Variants in B3GALT1 observed in about 807,000 individuals in gnomAD.
The protein encoded by B3GALT1 is beta-1,3-galactosyltransferase 1.
In B3GALT1, 10 loss-of-function variants were observed where a neutral mutation model predicts 23.2. The ratio of observed to expected loss-of-function variants is 0.43; its 90% CI spans 0.27 to 0.73. The LOEUF is 0.73. Ranked by LOEUF, B3GALT1 falls within the 30% of genes least tolerant of loss-of-function variation. The probability of loss-of-function intolerance (pLI) is 0.21; values close to 1 mark genes in which losing one functional copy is unlikely to be tolerated. For missense variants in B3GALT1, 299 were observed against 405.4 expected (o/e 0.74, Z 2.25); for synonymous variants, 156 against 141.5 (o/e 1.10, Z -0.73).
chr2:167,751,695 A>G (rs2105287245), intron 3 of B3GALT1, among the ~76,000 whole-genome samples: 1 of 152,270 alleles, frequency 6.6e-6, no homozygotes, highest in African/African-American at 2.4e-5. Context: ...GGTGGGTGAG[A>G]CATTCAGAAA....
intron 4 of B3GALT1, among the ~76,000 whole-genome samples, chr2:167,835,963 G>C (rs1689457961): frequency 6.6e-6 from 1 of 152,160 alleles, no homozygotes; most frequent in South Asian, 2.1e-4. Flanking sequence ...CTGCAGCTGA[G>C]GGTCCTGTCT....
At chr2:167,780,926 T>C (rs956224542) in intron 3 of B3GALT1, among the ~76,000 whole-genome samples, 1 of 152,206 alleles carries the variant, frequency 6.6e-6, no homozygotes, top group African/African-American at 2.4e-5. Context: ...ACATTGTGAA[T>C]GTACTAAGTG....
In B3GALT1 at chr2:167,478,926, GC is replaced by G. The variant is rs1263451662; in HGVS notation, c.-510-11250del. 2.6e-5 allele frequency among the ~76,000 whole-genome samples: 4 copies of G among 152,036 alleles called. No homozygotes were observed. In the East Asian group the frequency reaches 7.7e-4, roughly 29 times the overall value. On this transcript the variant is annotated intron_variant, in intron 1 of 4. Transcript: ENST00000392690. The stretch of plus-strand genomic sequence containing the variant: ...AACAACTTTTCAGATATAAGCTTCA[GC>G]ATTGTAATATTTTGGATTGTATGCT...
At chr2:167,466,714 T>G (rs949349285) in intron 1 of B3GALT1, among the ~76,000 whole-genome samples, 2 of 104,082 alleles carry the variant, frequency 1.9e-5, no homozygotes, top group African/African-American at 6.9e-5. Flanking sequence ...TTAACTATTA[T>G]CACTCTTTTG....
At chr2:167,328,879 C>T (rs552649179) in intron 1 of B3GALT1, among the ~76,000 whole-genome samples, 1 of 152,256 alleles carries the variant, frequency 6.6e-6, no homozygotes, top group East Asian at 1.9e-4. Context: ...GTGGGATGAT[C>T]GCAGCTCACT....
intron 2 of B3GALT1, among the ~76,000 whole-genome samples, chr2:167,621,450 A>G (rs1426622885): frequency 2.0e-5 from 3 of 152,104 alleles, no homozygotes; most frequent in Non-Finnish European, 2.9e-5. Flanking sequence ...TTTTAAGAAG[A>G]AAGCAGTCAT....
intron 1 of B3GALT1, among the ~76,000 whole-genome samples, chr2:167,338,923 G>A (rs1322353962): frequency 6.6e-6 from 1 of 152,082 alleles, no homozygotes; most frequent in Non-Finnish European, 1.5e-5. Flanking sequence ...AATGAAATGA[G>A]ATGTCAGTAT....
At chr2:167,825,667 G>T (rs1689206371) in intron 4 of B3GALT1, among the ~76,000 whole-genome samples, 1 of 151,816 alleles carries the variant, frequency 6.6e-6, no homozygotes, top group African/African-American at 2.4e-5. Flanking sequence ...ACCCACCCAG[G>T]GCAGTTGTTC....
At chr2:167,677,369 A>G (rs1686446460) in intron 3 of B3GALT1, among the ~76,000 whole-genome samples, 1 of 152,256 alleles carries the variant, frequency 6.6e-6, no homozygotes, top group South Asian at 2.1e-4. Context: ...TCACATAAAA[A>G]TCTTACATGA....
intron 3 of B3GALT1, among the ~76,000 whole-genome samples, chr2:167,738,721 T>G (rs1437267137): frequency 6.6e-6 from 1 of 152,202 alleles, no homozygotes; most frequent in Non-Finnish European, 1.5e-5. Context: ...TGCCTCAAGA[T>G]TCTTAGCCTT....
intron 4 of B3GALT1, among the ~76,000 whole-genome samples, chr2:167,833,266 T>A (rs1558995240): frequency 1.3e-5 from 2 of 152,216 alleles, no homozygotes; most frequent in South Asian, 4.1e-4. Context: ...CTCCTTGGCT[T>A]CTTTGTCCTT....
chr2:167,421,927 ACT>A (rs1194563285), intron 1 of B3GALT1, among the ~76,000 whole-genome samples: 1 of 152,094 alleles, frequency 6.6e-6, no homozygotes, highest in East Asian at 1.9e-4. Flanking sequence ...TTAGGAACTA[ACT>A]CTGCTTTCAA....
At chr2:167,639,356 C>G (rs1685613680) in intron 2 of B3GALT1, among the ~76,000 whole-genome samples, 1 of 151,890 alleles carries the variant, frequency 6.6e-6, no homozygotes, top group Non-Finnish European at 1.5e-5. Flanking sequence ...GAGAATTAAT[C>G]TACATTTTAG....
intron 1 of B3GALT1, among the ~76,000 whole-genome samples, chr2:167,346,052 A>G (rs1016234871): frequency 6.6e-6 from 1 of 151,546 alleles, no homozygotes; most frequent in Non-Finnish European, 1.5e-5. Context: ...TTTTTCTTTC[A>G]AAAAGCATTC....
At chr2:167,354,345 T>A (rs946966583) in intron 1 of B3GALT1, among the ~76,000 whole-genome samples, 1 of 112,606 alleles carries the variant, frequency 8.9e-6, no homozygotes, top group Non-Finnish European at 1.8e-5. Flanking sequence ...TTGGTAAATC[T>A]TCTTTTTTTT....
chr2:167,715,815 C>G, intron 3 of B3GALT1: 2 of 1,613,796 alleles, frequency 1.2e-6, no homozygotes, highest in Non-Finnish European at 1.7e-6. Context: ...TCAATTAGTC[C>G]AGAAAGCATT....
intron 1 of B3GALT1, among the ~76,000 whole-genome samples, chr2:167,338,847 A>G (rs1470582040): frequency 3.9e-5 from 6 of 152,148 alleles, no homozygotes; most frequent in Non-Finnish European, 8.8e-5. Flanking sequence ...AATACATTTA[A>G]TCAAGAAGTC....
chr2:167,349,969 A>G (rs888476173), intron 1 of B3GALT1, among the ~76,000 whole-genome samples: 1 of 152,228 alleles, frequency 6.6e-6, no homozygotes, highest in Non-Finnish European at 1.5e-5. Context: ...GAATACAAAA[A>G]TGGAACTCCA....
At chr2:167,447,583 C>T (rs946294153) in intron 1 of B3GALT1, among the ~76,000 whole-genome samples, 1 of 152,162 alleles carries the variant, frequency 6.6e-6, no homozygotes, top group Non-Finnish European at 1.5e-5. Flanking sequence ...CCCCCAGCCT[C>T]TCTGCCCCCT....
Sources: allele counts gnomAD v4.1 joint callset (sites outside exome capture counted in the v4.1 genomes callset), GRCh38; gene constraint gnomAD v4.1.1; transcripts MANE v1.5; gene names NCBI Gene and HGNC (gene_info 2026-07-23, HGNC 2026-07-21).